The following ARHGEF18 variants were observed in gnomAD, a reference collection of about 807,000 sequenced individuals.
ARHGEF18 encodes Rho/Rac guanine nucleotide exchange factor 18.
Under a neutral mutation model 155.7 loss-of-function variants are expected in ARHGEF18, and 93 were observed. That is an observed-to-expected ratio of 0.60 (90% CI 0.50 to 0.71). The LOEUF (loss-of-function observed/expected upper bound fraction) is 0.71. ARHGEF18 is among the 30% of genes least tolerant of loss of function. The probability of loss-of-function intolerance (pLI) is 0.00; values close to 1 mark genes in which losing one functional copy is unlikely to be tolerated. For missense variants in ARHGEF18, 1,593 were observed against 1,816.1 expected (o/e 0.88, Z 2.23); for synonymous variants, 742 against 753.1 (o/e 0.99, Z 0.24).
intron 6 of ARHGEF18, 35 bp from the exon 7 acceptor site, chr19:7,379,087 C>G (rs1970603363): frequency 8.1e-7 from 1 of 1,231,752 alleles, no homozygotes; most frequent in Non-Finnish European, 1.0e-6. Context: ...CTGGAGCTAC[C>G]ATGGGCTGTT....
chr19:7,414,538 C>T (rs1203617851), intron 10 of ARHGEF18, among the ~76,000 whole-genome samples: 5 of 151,860 alleles, frequency 3.3e-5, no homozygotes, highest in Admixed American at 2.0e-4. Context: ...AGGCTGGGCA[C>T]GGTGGTTCAC....
intron 14 of ARHGEF18, 144 bp from the exon 15 acceptor site, chr19:7,446,899 A>T: frequency 2.8e-6 from 3 of 1,053,774 alleles, no homozygotes; most frequent in South Asian, 3.6e-5. Context: ...CTGTCTCAAA[A>T]AAAAAAAAAA....
rs183186452 is a variant in ARHGEF18, at chr19:7,413,729, C to T, written c.968-26615C>T. On this transcript the variant is annotated intron_variant, in intron 10 of 28. Transcript: ENST00000668164. ...TGAGCTATGATTATACCACTATACT[C>T]CAGCCGAGACTCTGTCTCCAAAAAA... 2.0e-4 allele frequency among the ~76,000 whole-genome samples: 31 copies of T among 152,216 alleles called. No individual in the cohort carries two copies. The East Asian group carries it at 5.4e-3, about 27-fold the overall frequency.
At chr19:7,350,436 T>G (rs1969126026) in intron 1 of ARHGEF18, among the ~76,000 whole-genome samples, 1 of 152,176 alleles carries the variant, frequency 6.6e-6, no homozygotes, top group Admixed American at 6.5e-5. Context: ...TTCAACTCCC[T>G]TGCTGTGACT....
chr19:7,351,711 T>C (rs1969163857), intron 1 of ARHGEF18, among the ~76,000 whole-genome samples: 1 of 148,482 alleles, frequency 6.7e-6, no homozygotes, highest in Non-Finnish European at 1.5e-5. Flanking sequence ...TCTCTTTTTT[T>C]TTTTTTTTTC....
intron 14 of ARHGEF18, among the ~76,000 whole-genome samples, chr19:7,445,757 T>C (rs562679244): frequency 2.6e-5 from 4 of 152,068 alleles, no homozygotes; most frequent in African/African-American, 9.6e-5. Flanking sequence ...GTAGCTGGGA[T>C]TACAGGTGCC....
chr19:7,415,677 C>T (rs577699736), intron 10 of ARHGEF18, among the ~76,000 whole-genome samples: 6 of 152,004 alleles, frequency 3.9e-5, no homozygotes, highest in East Asian at 1.9e-4. Flanking sequence ...CCCTGAAGCG[C>T]GTATTTGTTA....
In ARHGEF18 at chr19:7,467,438, C is replaced by A; in HGVS notation, c.3234C>A (p.His1078Gln). The A allele has an allele frequency of 6.5e-7, 1 of 1,530,974 alleles. No homozygotes were observed. The highest frequency in any genetic ancestry group is 8.7e-7 in the Non-Finnish European group (1 of 1,144,932). 94.8% of individuals were successfully genotyped at this position (1,530,974 alleles called of 1,614,324 possible). A position where few individuals can be genotyped will look rare whatever the true frequency, so the allele number is the denominator to read the frequency against. Residue 1078 changes from histidine to glutamine, a missense_variant, in exon 26 of 29, where the codon CAC (histidine) becomes CAA (glutamine). His to Gln is a conservative substitution (Grantham distance 24). Coordinates refer to ENST00000668164, the MANE Select transcript of ARHGEF18 (RefSeq NM_001367823.1). ...QRWERERQWQ[H>Q]QELERAGARL... ...GGGAGCGCGAGCGCCAGTGGCAGCA[C>A]CAGGAGCTGGAGCGTGCGGGCGCGC...
At position 7,440,149 on chromosome 19, in the gene ARHGEF18, C is replaced by T; in HGVS notation, c.968-195C>T. On this transcript the variant is annotated intron_variant, in intron 10 of 28. Coordinates refer to ENST00000668164, the MANE Select transcript of ARHGEF18 (RefSeq NM_001367823.1). This position sits in a 1 kb window ranked among gnomAD's most constrained non-coding sequence, Gnocchi z 5.4. ...AGCGGGGACAGGCACAGCGCGCTCCCCGGCCGCCCCGAGCTGTCTTTTTAC... is the reference window on the plus strand; with the variant it reads ...AGCGGGGACAGGCACAGCGCGCTCCTCGGCCGCCCCGAGCTGTCTTTTTAC... 6.4e-7 allele frequency: 1 copy of T among 1,551,344 alleles called. No homozygotes were observed. Among genetic ancestry groups the T allele is most frequent in the Non-Finnish European group, 8.7e-7 (1 of 1,146,938 alleles).
chr19:7,383,086 G>T lies in ARHGEF18; in HGVS notation c.850G>T (p.Asp284Tyr). 1 of 1,232,486 alleles carries T rather than the reference G, an allele frequency of 8.1e-7. No homozygotes were observed. 76.3% of individuals were successfully genotyped at this position (1,232,486 alleles called of 1,614,324 possible). ...GGGGAAGAGCCCAGCACATCTGAAG[G>T]ACAAGGGCCAGGATGCACGAGAGAG... is the stretch of plus-strand genomic sequence containing the variant. ...EKGKSPAHLK[D>Y]KGQDARERRE... The change falls in exon 10 of 29, where the codon GAC (aspartate) becomes TAC (tyrosine). Residue 284 changes from aspartate (D) to tyrosine (Y), a missense_variant. Asp to Tyr is a radical substitution (Grantham distance 160, BLOSUM62 -3). Transcript: ENST00000668164.
chr19:7,354,243 C>G (rs78936333), intron 1 of ARHGEF18, among the ~76,000 whole-genome samples: 140,570 of 152,260 alleles, frequency 0.92, 65,018 homozygotes, highest in East Asian at 0.97. Flanking sequence ...CTTGAGCCAA[C>G]GGGTTCGAGG....
At chr19:7,459,794 C>T in intron 19 of ARHGEF18, 109 bp from the exon 20 acceptor site, 1 of 894,682 alleles carries the variant, frequency 1.1e-6, no homozygotes, top group Non-Finnish European at 1.7e-6. Flanking sequence ...AGCTAAATCA[C>T]TCCCAAAGTC....
At chr19:7,388,496 A>C (rs1971206046) in intron 10 of ARHGEF18, among the ~76,000 whole-genome samples, 1 of 152,212 alleles carries the variant, frequency 6.6e-6, no homozygotes, top group Non-Finnish European at 1.5e-5. Context: ...AGAGAAGTTA[A>C]GTTTTTGCTC....
Position 7,364,355 on chromosome 19 carries a change from G to A in ARHGEF18, c.15+1450G>A, listed in dbSNP as rs574233163. Among the ~76,000 whole-genome samples the A allele has an allele frequency of 2.5e-5, 3 of 121,602 alleles. 1 individual carries two copies. The highest frequency in any genetic ancestry group is 9.1e-3 in the Middle Eastern group (2 of 220). 79.8% of individuals were successfully genotyped at this position (121,602 alleles called of 152,430 possible). ...AGGATGAGAGGAAGAAAGGAAGGAAGGAGGGAAGGAAAGGAAGGAAGGAAG... is the reference window on the plus strand; with the variant it reads ...AGGATGAGAGGAAGAAAGGAAGGAAAGAGGGAAGGAAAGGAAGGAAGGAAG... On this transcript the variant is annotated intron_variant, in intron 2 of 28. Transcript: ENST00000668164.
intron 2 of ARHGEF18, among the ~76,000 whole-genome samples, chr19:7,364,764 G>A (rs1318374970): frequency 6.6e-6 from 1 of 152,112 alleles, no homozygotes; most frequent in African/African-American, 2.4e-5. Context: ...CATCTAGGAG[G>A]TGCATCCTTA....
chr19:7,439,282 C>CCA (rs1469812262), intron 10 of ARHGEF18, among the ~76,000 whole-genome samples: 10 of 147,958 alleles, frequency 6.8e-5, no homozygotes, highest in African/African-American at 2.0e-4. Flanking sequence ...ATAGTGAGAC[C>CCA]CCCCCCCAAC....
At chr19:7,362,975 A>G (rs1228951218) in intron 2 of ARHGEF18, 70 bp downstream of exon 2, 19 of 1,232,726 alleles carry the variant, frequency 1.5e-5, no homozygotes, top group Non-Finnish European at 1.8e-5. Flanking sequence ...TTTGTTTAGC[A>G]CCTGCATTTT....
intron 1 of ARHGEF18, among the ~76,000 whole-genome samples, chr19:7,350,770 GT>G (rs1600160776): frequency 0.18 from 1,627 of 9,028 alleles, 44 homozygotes; most frequent in East Asian, 0.4. Context: ...TGGGGTGGGT[GT>G]GTGTGTGTGT....
intron 10 of ARHGEF18, among the ~76,000 whole-genome samples, chr19:7,388,829 C>G (rs373844017): frequency 8.5e-4 from 129 of 152,154 alleles, no homozygotes; most frequent in African/African-American, 2.8e-3. Context: ...GATCCACCCC[C>G]CTCAGCCTTC....
Sources: allele counts gnomAD v4.1 joint callset (sites outside exome capture counted in the v4.1 genomes callset), GRCh38; gene constraint gnomAD v4.1.1; non-coding constraint Gnocchi (gnomAD v3.1); transcripts MANE v1.5; gene names NCBI Gene and HGNC (gene_info 2026-07-23, HGNC 2026-07-21).